The following CSMD3 variants were observed in gnomAD, a reference collection of about 807,000 sequenced individuals.
CSMD3 encodes CUB and sushi domain-containing protein 3.
In CSMD3, 177 loss-of-function variants were observed where a neutral mutation model predicts 435.2. The observed-to-expected ratio is 0.41, with a 90% CI of 0.36 to 0.46. CSMD3 has a LOEUF of 0.46. Ranked by LOEUF, CSMD3 falls within the 20% of genes least tolerant of loss-of-function variation. The pLI is 0.34. For synonymous variants in CSMD3, 1,656 were observed against 1,520.5 expected, an observed-to-expected ratio of 1.09 and a Z score of -2.07; for missense variants, 4,265 against 4,504.6, an observed-to-expected ratio of 0.95 and a Z score of 1.52.
intron 13 of CSMD3, among the ~76,000 whole-genome samples, chr8:112,696,103 T>C (rs984216012): frequency 6.6e-5 from 10 of 152,212 alleles, no homozygotes; most frequent in African/African-American, 9.7e-5. Flanking sequence ...GAACATTCCA[T>C]GCTCATGGAT....
At chr8:113,139,478 T>G (rs1391464069) in intron 4 of CSMD3, among the ~76,000 whole-genome samples, 2 of 150,884 alleles carry the variant, frequency 1.3e-5, no homozygotes, top group African/African-American at 2.4e-5. Context: ...CCATTTTACA[T>G]GTATTTATAT....
At chr8:112,589,033 T>G (rs1346819214) in intron 22 of CSMD3, among the ~76,000 whole-genome samples, 7 of 152,306 alleles carry the variant, frequency 4.6e-5, no homozygotes, top group African/African-American at 1.7e-4. Flanking sequence ...CAAATTATTT[T>G]GAATTATTTT....
chr8:112,324,492 G>A (rs1823304800), intron 45 of CSMD3, among the ~76,000 whole-genome samples: 1 of 152,152 alleles, frequency 6.6e-6, no homozygotes, highest in South Asian at 2.1e-4. Context: ...AAGCAAAGCA[G>A]ACAGAAGCCT....
At chr8:112,270,897 A>G (rs1001396785) in intron 59 of CSMD3, among the ~76,000 whole-genome samples, 1 of 152,152 alleles carries the variant, frequency 6.6e-6, no homozygotes, top group African/African-American at 2.4e-5. Flanking sequence ...ATAAAATTGA[A>G]GTCTTTATAT....
intron 3 of CSMD3, among the ~76,000 whole-genome samples, chr8:113,249,977 G>T (rs574066159): frequency 1.2e-4 from 18 of 151,986 alleles, no homozygotes; most frequent in Non-Finnish European, 2.4e-4. Context: ...AAAGATATAA[G>T]GGAAGTTAGT....
intron 11 of CSMD3, among the ~76,000 whole-genome samples, chr8:112,842,062 GT>G (rs1462281381): frequency 6.6e-6 from 1 of 151,780 alleles, no homozygotes; most frequent in Non-Finnish European, 1.5e-5. Flanking sequence ...AGAAGGGCAA[GT>G]GCTGTGGGTA....
chr8:113,048,764 T>G (rs2087952708), intron 5 of CSMD3, among the ~76,000 whole-genome samples: 1 of 152,158 alleles, frequency 6.6e-6, no homozygotes, highest in Non-Finnish European at 1.5e-5. Flanking sequence ...CAGTGTTCTT[T>G]TCCCTTGTCC....
intron 13 of CSMD3, among the ~76,000 whole-genome samples, chr8:112,771,817 T>C (rs968808552): frequency 6.6e-6 from 1 of 151,970 alleles, no homozygotes; most frequent in Non-Finnish European, 1.5e-5. Context: ...ACATTGTTCA[T>C]GAAATGAATA....
At chr8:113,048,039 A>G (rs1388183145) in intron 5 of CSMD3, among the ~76,000 whole-genome samples, 4 of 151,372 alleles carry the variant, frequency 2.6e-5, no homozygotes, top group Non-Finnish European at 4.4e-5. Flanking sequence ...ATAATAGCCA[A>G]TGTGGGACCA....
chr8:112,991,793 G>A (rs1201088278), intron 6 of CSMD3, among the ~76,000 whole-genome samples: 1 of 151,832 alleles, frequency 6.6e-6, no homozygotes, highest in East Asian at 1.9e-4. Context: ...ACCCAGTGAA[G>A]TGATGTTTAG....
chr8:112,999,542 C>T (rs1339335357), intron 6 of CSMD3, among the ~76,000 whole-genome samples: 1 of 151,730 alleles, frequency 6.6e-6, no homozygotes, highest in Non-Finnish European at 1.5e-5. Flanking sequence ...GGGTTCTGAA[C>T]TGAGGAATGC....
intron 3 of CSMD3, among the ~76,000 whole-genome samples, chr8:113,185,133 G>T (rs950329336): frequency 2.0e-5 from 3 of 152,008 alleles, no homozygotes; most frequent in Admixed American, 2.0e-4. Flanking sequence ...TGCATTCACT[G>T]TTAACTCAAA....
intron 29 of CSMD3, 119 bp downstream of exon 29, chr8:112,506,572 A>C (rs1051470142): frequency 1.0e-6 from 1 of 958,896 alleles, no homozygotes; most frequent in Admixed American, 2.0e-5. Context: ...CACTGGGATA[A>C]GTAAAAAATA....
At chr8:113,397,316 G>A (rs2094488240) in intron 1 of CSMD3, among the ~76,000 whole-genome samples, 1 of 151,846 alleles carries the variant, frequency 6.6e-6, no homozygotes, top group Non-Finnish European at 1.5e-5. Flanking sequence ...TCTTCTTTAT[G>A]GTCTCTTTAA....
intron 13 of CSMD3, among the ~76,000 whole-genome samples, chr8:112,757,658 T>A (rs1196198094): frequency 6.6e-6 from 1 of 152,150 alleles, no homozygotes; most frequent in African/African-American, 2.4e-5. Context: ...TTGTTCAGTA[T>A]TTTTCTCTTA....
chr8:112,499,843 G>A (rs527254880), intron 30 of CSMD3, among the ~76,000 whole-genome samples: 13 of 152,144 alleles, frequency 8.5e-5, no homozygotes, highest in Admixed American at 8.5e-4. Flanking sequence ...TATTGGCCAG[G>A]CGTGGTGGCT....
chr8:113,133,888 G>A (rs2091349326), intron 4 of CSMD3, among the ~76,000 whole-genome samples: 1 of 151,978 alleles, frequency 6.6e-6, no homozygotes, highest in Admixed American at 6.6e-5. Context: ...GATTACCAGG[G>A]GTTATGCAGA....
chr8:112,441,928 AT>A (rs143167250), intron 32 of CSMD3, among the ~76,000 whole-genome samples: 30,696 of 151,888 alleles, frequency 0.2, 3,729 homozygotes, highest in East Asian at 0.38. Flanking sequence ...ACCATATCAG[AT>A]TTTTTTTGGT....
chr8:112,556,499 G>C (rs1250239583), intron 25 of CSMD3, among the ~76,000 whole-genome samples: 1 of 151,810 alleles, frequency 6.6e-6, no homozygotes, highest in Admixed American at 6.6e-5. Flanking sequence ...ATTTTATGTC[G>C]AGGTAGCAGA....
Sources: gnomAD v4.1 joint callset for allele counts (sites outside exome capture counted in the v4.1 genomes callset) on GRCh38, gnomAD v4.1.1 for gene constraint, MANE v1.5 for transcripts, NCBI Gene and HGNC (gene_info 2026-07-23, HGNC 2026-07-21) for gene names.